Variants in ALOX5AP observed in about 807,000 individuals in gnomAD.
ALOX5AP encodes arachidonate 5-lipoxygenase activating protein.
A neutral mutation model predicts 18.5 loss-of-function variants in ALOX5AP; 9 were observed. The observed-to-expected ratio is 0.49, with a 90% confidence interval of 0.29 to 0.85. The LOEUF is 0.85. ALOX5AP is among the 40% of genes least tolerant of loss of function. The probability of loss-of-function intolerance (pLI) is 0.08; values close to 1 mark genes in which losing one functional copy is unlikely to be tolerated. For missense variants in ALOX5AP, 172 were observed against 202.5 expected, an observed-to-expected ratio of 0.85 and a Z score of 0.91; for synonymous variants, 81 against 78.6, an observed-to-expected ratio of 1.03 and a Z score of -0.16.
In ALOX5AP at chr13:30,741,201, C is replaced by A. The variant is rs193293288; in HGVS notation, c.71-2859C>A. On this transcript the variant is annotated intron_variant, in intron 1 of 4. Transcript: ENST00000380490. ...ACAGTGGCTCGATCTTGGCTCACTG[C>A]AAGCTCCGCCTCCCGGGTTCATGCC... is the stretch of plus-strand genomic sequence containing the variant. 2.3e-3 allele frequency among the ~76,000 whole-genome samples: 317 copies of A among 140,712 alleles called. 1 individual carries two copies. Among genetic ancestry groups the A allele is most frequent in the Middle Eastern group, 3.9e-3 (1 of 258 alleles). The allele number at this position is 140,712 out of a possible 152,430, so 92.3% of individuals were successfully genotyped here.
chr13:30,744,239 A>G, intron 2 of ALOX5AP, 80 bp downstream of exon 2: 1 of 1,255,962 alleles, frequency 8.0e-7, no homozygotes, highest in Non-Finnish European at 1.1e-6. Context: ...ACCACCCTTA[A>G]TACCACATGT....
At chr13:30,723,013 T>C (rs946373601) in intron 1 of ALOX5AP, among the ~76,000 whole-genome samples, 2 of 152,216 alleles carry the variant, frequency 1.3e-5, no homozygotes, top group African/African-American at 4.8e-5. Context: ...TTCTTTATAA[T>C]TATCCAGTCT....
At chr13:30,733,112 T>C (rs956328646), upstream of ALOX5AP, among the ~76,000 whole-genome samples, 2 of 141,486 alleles carry the variant, frequency 1.4e-5, no homozygotes, top group South Asian at 4.4e-4. Flanking sequence ...TGAGCTGAGA[T>C]CGCGCCACTG....
At chr13:30,730,207 G>C (rs1023617664) in intron 1 of ALOX5AP, among the ~76,000 whole-genome samples, 9 of 152,298 alleles carry the variant, frequency 5.9e-5, no homozygotes, top group African/African-American at 2.2e-4. Flanking sequence ...CACTATCTTT[G>C]TTTCTTCAGC....
intron 2 of ALOX5AP, among the ~76,000 whole-genome samples, chr13:30,747,703 A>C (rs917701590): frequency 2.0e-5 from 3 of 152,176 alleles, no homozygotes; most frequent in African/African-American, 7.2e-5. Flanking sequence ...GTTACAGGGG[A>C]TAACAAGTTC....
At chr13:30,759,976 T>G (rs1370801818) in intron 4 of ALOX5AP, among the ~76,000 whole-genome samples, 1 of 152,092 alleles carries the variant, frequency 6.6e-6, no homozygotes, top group Non-Finnish European at 1.5e-5. Flanking sequence ...CACACTGGAG[T>G]TTGGGAATCG....
At chr13:30,717,401 C>T (rs1345355616) in intron 1 of ALOX5AP, among the ~76,000 whole-genome samples, 5 of 152,202 alleles carry the variant, frequency 3.3e-5, no homozygotes, top group African/African-American at 1.2e-4. Flanking sequence ...CAATTTGATT[C>T]TGATGCTGTC....
intron 4 of ALOX5AP, among the ~76,000 whole-genome samples, chr13:30,760,771 T>C (rs1951934998): frequency 6.6e-6 from 1 of 152,144 alleles, no homozygotes; most frequent in African/African-American, 2.4e-5. Flanking sequence ...GCTGTGAGAA[T>C]TAAAGGAAGT....
chr13:30,741,304 G>A (rs1951762129), intron 1 of ALOX5AP, among the ~76,000 whole-genome samples: 1 of 149,096 alleles, frequency 6.7e-6, no homozygotes, highest in African/African-American at 2.5e-5. Context: ...TAGAGACAGG[G>A]TTTCACCATG....
chr13:30,721,706 C>T (rs1951595507), intron 1 of ALOX5AP, among the ~76,000 whole-genome samples: 1 of 152,168 alleles, frequency 6.6e-6, no homozygotes, highest in Non-Finnish European at 1.5e-5. Context: ...TTAAAATCCT[C>T]AAGTGGCTTC....
intron 3 of ALOX5AP, among the ~76,000 whole-genome samples, chr13:30,752,669 T>G (rs1015675262): frequency 1.3e-5 from 2 of 152,260 alleles, no homozygotes; most frequent in African/African-American, 4.8e-5. Flanking sequence ...GTCATACTTT[T>G]GGTCCCCTTT....
chr13:30,762,327 G>A (rs1951948488), intron 4 of ALOX5AP, among the ~76,000 whole-genome samples: 1 of 152,168 alleles, frequency 6.6e-6, no homozygotes, highest in Non-Finnish European at 1.5e-5. Flanking sequence ...GGTGGCTCAC[G>A]CCTGTAATCC....
At chr13:30,734,446 A>G (rs931046617), upstream of ALOX5AP, among the ~76,000 whole-genome samples, 1 of 152,232 alleles carries the variant, frequency 6.6e-6, no homozygotes, top group Non-Finnish European at 1.5e-5. Flanking sequence ...AAGTTTTGAT[A>G]AAAGCACCTC....
intron 3 of ALOX5AP, 65 bp downstream of exon 3, chr13:30,752,187 C>T (rs908768512): frequency 1.2e-5 from 18 of 1,543,940 alleles, no homozygotes; most frequent in Admixed American, 1.7e-5. Flanking sequence ...GTTCAAAGGG[C>T]AGGCTTTTTG....
chr13:30,746,802 T>C (rs1951813035), intron 2 of ALOX5AP, among the ~76,000 whole-genome samples: 1 of 152,248 alleles, frequency 6.6e-6, no homozygotes, highest in African/African-American at 2.4e-5. Context: ...TATGTGTATA[T>C]AGTTTATATG....
chr13:30,752,516 C>A (rs1951860757), intron 3 of ALOX5AP, among the ~76,000 whole-genome samples: 1 of 152,226 alleles, frequency 6.6e-6, no homozygotes, highest in South Asian at 2.1e-4. Context: ...GGTGGCCCTC[C>A]TTCAGGCATG....
At chr13:30,758,410 A>C (rs9551963) in intron 4 of ALOX5AP, among the ~76,000 whole-genome samples, 76,133 of 152,056 alleles carry the variant, frequency 0.5, 19,172 homozygotes, top group Admixed American at 0.55. Context: ...AGGAATTGCT[A>C]GATGAGATCC....
At chr13:30,720,782 C>T (rs1362802385) in intron 1 of ALOX5AP, among the ~76,000 whole-genome samples, 2 of 152,178 alleles carry the variant, frequency 1.3e-5, no homozygotes, top group South Asian at 2.1e-4. Context: ...TCTGAATATC[C>T]TATTTCCTTG....
At chr13:30,754,246 A>G (rs534097489) in intron 3 of ALOX5AP, among the ~76,000 whole-genome samples, 18 of 37,700 alleles carry the variant, frequency 4.8e-4, no homozygotes, top group Admixed American at 3.0e-3. Context: ...TCTCAAAAAG[A>G]GTTCACAGTT....
Sources: allele counts gnomAD v4.1 joint callset (sites outside exome capture counted in the v4.1 genomes callset), GRCh38; gene constraint gnomAD v4.1.1; transcripts MANE v1.5; gene names NCBI Gene and HGNC (gene_info 2026-07-23, HGNC 2026-07-21).